The following CPXM2 variants were observed in gnomAD, a reference collection of about 807,000 sequenced individuals.
The protein encoded by CPXM2 is inactive carboxypeptidase-like protein X2.
CPXM2 carries 66 observed loss-of-function variants against 86.1 expected under a neutral mutation model. That is an observed-to-expected ratio of 0.77 (90% CI 0.63 to 0.94). CPXM2 has a LOEUF of 0.94. Ranked by LOEUF, CPXM2 falls within the 40% of genes least tolerant of loss-of-function variation. The pLI, the probability that CPXM2 is intolerant of heterozygous loss-of-function variation, is 0.00. For missense variants in CPXM2, 948 were observed against 1,026.3 expected, an observed-to-expected ratio of 0.92 and a Z score of 1.04; for synonymous variants, 388 against 400.2, an observed-to-expected ratio of 0.97 and a Z score of 0.36.
At chr10:123,904,501 A>T (rs1006748764) in intron 2 of CPXM2, among the ~76,000 whole-genome samples, 1 of 152,110 alleles carries the variant, frequency 6.6e-6, no homozygotes, top group Non-Finnish European at 1.5e-5. Flanking sequence ...ACACATGCAG[A>T]GTGTTTGGAT....
At chr10:123,760,088 C>T (rs1159747995) in intron 11 of CPXM2, among the ~76,000 whole-genome samples, 2 of 152,130 alleles carry the variant, frequency 1.3e-5, no homozygotes, top group South Asian at 2.1e-4. Flanking sequence ...CTCAAGCTAC[C>T]GCATGGCTCT....
At chr10:123,787,179 G>A (rs995792027) in intron 6 of CPXM2, among the ~76,000 whole-genome samples, 4 of 152,170 alleles carry the variant, frequency 2.6e-5, no homozygotes, top group African/African-American at 9.7e-5. Context: ...TGGGCTGTGA[G>A]CTATGCTGGG....
intron 11 of CPXM2, among the ~76,000 whole-genome samples, chr10:123,757,659 T>C (rs1330248110): frequency 1.3e-5 from 2 of 152,196 alleles, no homozygotes; most frequent in Non-Finnish European, 2.9e-5. Flanking sequence ...AGTAAAAAAG[T>C]TTAATGCTCC....
chr10:123,915,628 ACTC>A (rs1370081556), intron 2 of CPXM2, among the ~76,000 whole-genome samples: 1 of 152,012 alleles, frequency 6.6e-6, no homozygotes, highest in East Asian at 1.9e-4. Flanking sequence ...CCTTCAGACA[ACTC>A]ATCATTTCTT....
chr10:123,834,225 A>C (rs926437555), intron 4 of CPXM2, among the ~76,000 whole-genome samples: 1 of 152,174 alleles, frequency 6.6e-6, no homozygotes, highest in Non-Finnish European at 1.5e-5. Flanking sequence ...GTTTCCTCCC[A>C]GTGCTTTCTG....
In CPXM2 at chr10:123,782,267, C is replaced by G. The variant is rs1427885890; in HGVS notation, c.890-2012G>C. Among the ~76,000 whole-genome samples the G allele has an allele frequency of 2.0e-5, 3 of 152,206 alleles. No homozygotes were observed. The East Asian group carries it at 5.8e-4, about 29-fold the overall frequency. ...GTATTTTGCATTCATTTACACCTAACTTACTCGCAGGCTATTTTCTAAGAG... is the reference window on the plus strand; with the variant it reads ...GTATTTTGCATTCATTTACACCTAAGTTACTCGCAGGCTATTTTCTAAGAG... On this transcript the variant is annotated intron_variant, in intron 6 of 13. Transcript: ENST00000241305.
chr10:123,755,147 C>A (rs756340035), intron 12 of CPXM2, among the ~76,000 whole-genome samples: 2 of 152,208 alleles, frequency 1.3e-5, no homozygotes, highest in Non-Finnish European at 2.9e-5. Context: ...GAGCTGGCAC[C>A]TTCCTGGGCA....
intron 1 of CPXM2, among the ~76,000 whole-genome samples, chr10:123,890,485 C>T (rs1367718482): frequency 6.6e-6 from 1 of 152,218 alleles, no homozygotes; most frequent in Non-Finnish European, 1.5e-5. Flanking sequence ...GGCACCCGCA[C>T]GTATCTCCTT....
rs1010428589 is a variant in CPXM2 at position 123,885,369 on chromosome 10, G to A, written c.305-5060C>T. 2.0e-5 allele frequency among the ~76,000 whole-genome samples: 3 copies of A among 152,166 alleles called. No individual in the cohort carries two copies. Among genetic ancestry groups the A allele is most frequent in the East Asian group, 1.9e-4 (1 of 5,188 alleles). On this transcript the variant is annotated intron_variant, in intron 1 of 13. Coordinates refer to ENST00000241305, the MANE Select transcript of CPXM2 (RefSeq NM_198148.3). The surrounding 1 kb of genome is among the most constrained non-coding windows in gnomAD (Gnocchi z 4.0). Reference sequence around the variant, plus strand: ...GGTTATTAATTGTTCCCATGCCATCGTGAGGAACTGATGCTTGGAGAAGTC... The same window carrying A: ...GGTTATTAATTGTTCCCATGCCATCATGAGGAACTGATGCTTGGAGAAGTC...
chr10:123,762,038 C>T lies in CPXM2; in HGVS notation c.1611G>A (p.Gln537=). 1.2e-6 allele frequency: 2 copies of T among 1,613,996 alleles called. No homozygotes were observed. Among genetic ancestry groups the T allele is most frequent in the African/African-American group, 2.7e-5 (2 of 75,026 alleles). ...GGTCGTCGGGGGTGGGGGTGTGTTC[C>T]TGCGTCTTCCAGGGGGACCGCACCA... The part of the protein sequence containing the change: ...YDLVRSPWKT[Q]EHTPTPDDHV... The change falls in exon 11 of 14, where the codon CAG becomes CAA. Residue 537 remains glutamine, a synonymous_variant. Transcript: ENST00000241305.
chr10:123,792,321 T>C (rs2134054584), intron 6 of CPXM2, among the ~76,000 whole-genome samples: 1 of 151,834 alleles, frequency 6.6e-6, no homozygotes, highest in Non-Finnish European at 1.5e-5. Context: ...CTTCACAGAG[T>C]CCCCGATCAG....
At chr10:123,919,478 T>A (rs773383339) in intron 2 of CPXM2, among the ~76,000 whole-genome samples, 2 of 149,736 alleles carry the variant, frequency 1.3e-5, no homozygotes, top group African/African-American at 4.9e-5. Flanking sequence ...TTAAAGCAGG[T>A]ATGACAACCA....
At chr10:123,799,057 T>C in intron 5 of CPXM2, 58 bp downstream of exon 5, 1 of 1,600,744 alleles carries the variant, frequency 6.2e-7, no homozygotes, top group South Asian at 1.1e-5. Flanking sequence ...TTGCCTCTCT[T>C]TGCAAAACCC....
chr10:123,768,591 C>G lies in CPXM2; in HGVS notation c.1234G>C (p.Glu412Gln), dbSNP rs769737772. ...GGGAGGACGTGAATCCGCGTCTCCT[C>G]CACCAGGTGGACGATGCGCGCATTC... is the stretch of plus-strand genomic sequence containing the variant. ...ARNARIVHLV[E>Q]ETRIHVLPSL... The change falls in exon 9 of 14, where the codon GAG (glutamate) becomes CAG (glutamine). Residue 412 changes from glutamate (E) to glutamine (Q), a missense_variant. Glu to Gln is a conservative substitution (Grantham distance 29). Transcript: ENST00000241305. 7 of 1,614,026 alleles carry G rather than the reference C, an allele frequency of 4.3e-6. No individual in the cohort carries two copies. In the South Asian group the frequency reaches 7.7e-5, roughly 18 times the overall value.
upstream of CPXM2, among the ~76,000 whole-genome samples, chr10:123,941,059 T>C (rs1027229700): frequency 6.6e-6 from 1 of 152,108 alleles, no homozygotes; most frequent in African/African-American, 2.4e-5. Context: ...TAGTCCCAGC[T>C]ACTCGGGAGG....
intron 4 of CPXM2, among the ~76,000 whole-genome samples, chr10:123,808,620 C>CAAAAG (rs1847629776): frequency 6.6e-6 from 1 of 152,178 alleles, no homozygotes; most frequent in South Asian, 2.1e-4. Context: ...TGAATCCCCT[C>CAAAAG]AAAAGAAAAG....
intron 1 of CPXM2, among the ~76,000 whole-genome samples, chr10:123,883,631 G>A (rs1945131147): frequency 6.6e-6 from 1 of 152,190 alleles, no homozygotes; most frequent in South Asian, 2.1e-4. Context: ...GTTCAAAATT[G>A]ACACGGCATT....
intron 2 of CPXM2, among the ~76,000 whole-genome samples, chr10:123,879,104 C>T (rs1404195916): frequency 6.6e-6 from 1 of 152,150 alleles, no homozygotes; most frequent in Non-Finnish European, 1.5e-5. Context: ...GGTAAGTGAC[C>T]ACAGAAGGTC....
chr10:123,752,651 A>G, intron 13 of CPXM2: 1 of 983,408 alleles, frequency 1.0e-6, no homozygotes. Flanking sequence ...GTTTGCAGAG[A>G]AGGAGCCTCT....
Sources: allele counts gnomAD v4.1 joint callset (sites outside exome capture counted in the v4.1 genomes callset), GRCh38; gene constraint gnomAD v4.1.1; non-coding constraint Gnocchi (gnomAD v3.1); transcripts MANE v1.5; gene names NCBI Gene and HGNC (gene_info 2026-07-23, HGNC 2026-07-21).